CPVL: variants seen among roughly 807,000 people sequenced by gnomAD.
The protein encoded by CPVL is carboxypeptidase vitellogenic like, also known as probable serine carboxypeptidase CPVL.
In CPVL, 51 loss-of-function variants were observed where a neutral mutation model predicts 63.7. The observed-to-expected ratio is 0.80, with a 90% CI of 0.64 to 1.01. CPVL has a LOEUF of 1.01. Ranked by LOEUF, CPVL falls within the 50% of genes least tolerant of loss-of-function variation. CPVL has a pLI of 0.00. For missense variants in CPVL, 530 were observed against 573.1 expected, an observed-to-expected ratio of 0.92 and a Z score of 0.77; for synonymous variants, 195 against 206.0, an observed-to-expected ratio of 0.95 and a Z score of 0.46.
chr7:29,189,001 A>C (rs1799058771), intron 1 of CPVL, among the ~76,000 whole-genome samples: 1 of 140,958 alleles, frequency 7.1e-6, no homozygotes, highest in African/African-American at 2.7e-5. Context: ...CCCAAGCTGG[A>C]GTACAGTGGC....
At chr7:29,027,051 C>G (rs879359176) in intron 12 of CPVL, among the ~76,000 whole-genome samples, 1 of 152,096 alleles carries the variant, frequency 6.6e-6, no homozygotes, top group Non-Finnish European at 1.5e-5. Flanking sequence ...AAACTACAGG[C>G]CAATCTCCCT....
chr7:29,042,508 G>T (rs1789206667), intron 11 of CPVL, among the ~76,000 whole-genome samples: 1 of 152,100 alleles, frequency 6.6e-6, no homozygotes, highest in Non-Finnish European at 1.5e-5. Context: ...GGGAGGCTGA[G>T]GTGAGAGGGT....
chr7:29,082,768 C>T (rs1483869291), intron 7 of CPVL, among the ~76,000 whole-genome samples: 2 of 152,186 alleles, frequency 1.3e-5, no homozygotes, highest in African/African-American at 4.8e-5. Context: ...ATGCATAAAA[C>T]CACAAGGCAG....
intron 5 of CPVL, among the ~76,000 whole-genome samples, chr7:29,156,840 C>G (rs1053147888): frequency 2.0e-5 from 3 of 152,172 alleles, no homozygotes; most frequent in Admixed American, 1.3e-4. Flanking sequence ...GATTATGCAC[C>G]TGGAGATCTA....
chr7:29,147,494 G>A (rs1792918977), upstream of CPVL, among the ~76,000 whole-genome samples: 1 of 152,212 alleles, frequency 6.6e-6, no homozygotes, highest in African/African-American at 2.4e-5. Flanking sequence ...AGTTTTACGA[G>A]CTGGAACAAA....
At chr7:29,035,231 T>C (rs1299755510) in intron 11 of CPVL, among the ~76,000 whole-genome samples, 1 of 152,190 alleles carries the variant, frequency 6.6e-6, no homozygotes. Context: ...ACAGAAGTGT[T>C]CCACTGTCCG....
intron 11 of CPVL, among the ~76,000 whole-genome samples, chr7:29,040,601 A>T (rs1320804796): frequency 6.6e-6 from 1 of 152,184 alleles, no homozygotes; most frequent in African/African-American, 2.4e-5. Flanking sequence ...AGTTGTTCTT[A>T]AAAAGAGACA....
At chr7:29,114,501 G>C (rs1788566518) in intron 2 of CPVL, among the ~76,000 whole-genome samples, 1 of 152,114 alleles carries the variant, frequency 6.6e-6, no homozygotes, top group Non-Finnish European at 1.5e-5. Context: ...CATGGTGGCA[G>C]TGCTTGTAGT....
chr7:29,006,623 A>G (rs1187160668), intron 12 of CPVL, among the ~76,000 whole-genome samples: 2 of 152,198 alleles, frequency 1.3e-5, no homozygotes, highest in Admixed American at 1.3e-4. Context: ...ACTCCAGACC[A>G]GACAGGGTAT....
chr7:29,169,646 T>G (rs1044561028), intron 5 of CPVL, among the ~76,000 whole-genome samples: 3 of 152,144 alleles, frequency 2.0e-5, no homozygotes, highest in Non-Finnish European at 4.4e-5. Flanking sequence ...TGCCTTTTCA[T>G]GTCCTATGTA....
chr7:29,142,144 G>A (rs189101139), intron 1 of CPVL, among the ~76,000 whole-genome samples: 1 of 152,290 alleles, frequency 6.6e-6, no homozygotes, highest in East Asian at 1.9e-4. Flanking sequence ...GTGCAGATAT[G>A]GTCTTTTAGT....
chr7:29,068,929 C>T lies in CPVL; in HGVS notation c.865-2808G>A, dbSNP rs1165641098. Among the ~76,000 whole-genome samples the T allele has an allele frequency of 2.0e-5, 3 of 150,638 alleles. 1 individual carries two copies. Among genetic ancestry groups the T allele is most frequent in the Non-Finnish European group, 3.0e-5 (2 of 67,642 alleles). On this transcript the variant is annotated intron_variant, in intron 9 of 12. Transcript: ENST00000265394. Reference sequence around the variant, plus strand: ...CGATCTCCTGACCTCGTGATCCGCCCGCCTCGGCCTCCCAAAGTGCTGGGA... The same window carrying T: ...CGATCTCCTGACCTCGTGATCCGCCTGCCTCGGCCTCCCAAAGTGCTGGGA...
At chr7:29,101,357 T>C (rs1319660972) in intron 3 of CPVL, among the ~76,000 whole-genome samples, 1 of 152,182 alleles carries the variant, frequency 6.6e-6, no homozygotes, top group African/African-American at 2.4e-5. Flanking sequence ...TCCCAGCACT[T>C]TGGGAGGCTG....
At chr7:29,150,589 C>G (rs1278761533), upstream of CPVL, among the ~76,000 whole-genome samples, 1 of 152,170 alleles carries the variant, frequency 6.6e-6, no homozygotes, top group Non-Finnish European at 1.5e-5. Flanking sequence ...AAATACAATT[C>G]CAATTGTCTA....
chr7:29,002,520 A>T (rs904839693), intron 12 of CPVL, among the ~76,000 whole-genome samples: 4 of 152,200 alleles, frequency 2.6e-5, no homozygotes, highest in Non-Finnish European at 5.9e-5. Context: ...TAGGCATGAC[A>T]AAGAACAAGA....
At chr7:29,063,881 A>T (rs17675732) in intron 11 of CPVL, among the ~76,000 whole-genome samples, 180 bp downstream of exon 11, 2,092 of 152,206 alleles carry the variant, frequency 0.014, 21 homozygotes, top group Middle Eastern at 0.037. Flanking sequence ...AAAGTGGTTA[A>T]ATTAAAAGGA....
At chr7:29,018,376 A>AT (rs1583999212) in intron 12 of CPVL, among the ~76,000 whole-genome samples, 3 of 120,308 alleles carry the variant, frequency 2.5e-5, no homozygotes, top group African/African-American at 1.1e-4. Context: ...AAAATTTTTA[A>AT]TCTTTTTTTT....
At chr7:29,117,009 ACTTTCAG>A (rs1788839799) in intron 2 of CPVL, among the ~76,000 whole-genome samples, 1 of 152,144 alleles carries the variant, frequency 6.6e-6, no homozygotes, top group South Asian at 2.1e-4. Flanking sequence ...AGCTTCCTGA[ACTTTCAG>A]CAAAGCGGAT....
At chr7:29,138,270 C>T (rs1791452613) in intron 1 of CPVL, among the ~76,000 whole-genome samples, 1 of 152,104 alleles carries the variant, frequency 6.6e-6, no homozygotes, top group South Asian at 2.1e-4. Context: ...AAAACCCTGT[C>T]TCTACAAAAA....
Sources: allele counts gnomAD v4.1 joint callset (sites outside exome capture counted in the v4.1 genomes callset), GRCh38; gene constraint gnomAD v4.1.1; transcripts MANE v1.5; gene names NCBI Gene and HGNC (gene_info 2026-07-23, HGNC 2026-07-21).